Variants in FAF1 observed in about 807,000 individuals in gnomAD.
FAF1 encodes the protein FAS-associated factor 1.
In FAF1, 25 loss-of-function variants were observed where a neutral mutation model predicts 92.5. That is an observed-to-expected ratio of 0.27 (90% CI 0.20 to 0.38). The LOEUF is 0.38. Among genes scored for constraint, FAF1 ranks in the 10% least tolerant of loss-of-function variants. The pLI, the probability that FAF1 is intolerant of heterozygous loss-of-function variation, is 1.00. For synonymous variants in FAF1, 234 were observed against 273.2 expected (o/e 0.86, Z 1.42); for missense variants, 636 against 793.3 (o/e 0.80, Z 2.38).
intron 9 of FAF1, among the ~76,000 whole-genome samples, chr1:50,595,319 G>A (rs944233961): frequency 2.6e-5 from 4 of 152,022 alleles, no homozygotes; most frequent in African/African-American, 9.7e-5. Context: ...CTCTCAAAGT[G>A]CTGGGATTAC....
At chr1:50,942,299 G>C (rs761345988) in intron 1 of FAF1, among the ~76,000 whole-genome samples, 2 of 152,182 alleles carry the variant, frequency 1.3e-5, no homozygotes, top group Non-Finnish European at 2.9e-5. Context: ...CCGGGAGTTT[G>C]AGACCAGCCT....
At chr1:50,833,412 T>G (rs1034208183) in intron 2 of FAF1, among the ~76,000 whole-genome samples, 5 of 150,330 alleles carry the variant, frequency 3.3e-5, no homozygotes, top group Non-Finnish European at 3.0e-5. Flanking sequence ...TGGGGGCGGG[T>G]GTGTGGGAGA....
intron 8 of FAF1, among the ~76,000 whole-genome samples, chr1:50,642,461 C>T (rs1454002432): frequency 4.6e-5 from 7 of 151,782 alleles, no homozygotes; most frequent in East Asian, 3.9e-4. Context: ...CCAGCTTGGC[C>T]AATACGGTGA....
intron 6 of FAF1, chr1:50,715,031 T>C (rs561476307): frequency 9.3e-6 from 4 of 431,812 alleles, no homozygotes; most frequent in Non-Finnish European, 1.8e-5. Flanking sequence ...AAAATATATA[T>C]CTATTTGCAT....
intron 15 of FAF1, among the ~76,000 whole-genome samples, chr1:50,497,838 G>A (rs143852461): frequency 6.8e-4 from 104 of 151,958 alleles, no homozygotes; most frequent in Non-Finnish European, 1.3e-3. Flanking sequence ...GTGTGCCACC[G>A]CGCCCGGGCT....
At chr1:50,873,448 G>A (rs930421525) in intron 1 of FAF1, among the ~76,000 whole-genome samples, 2 of 151,990 alleles carry the variant, frequency 1.3e-5, no homozygotes, top group Non-Finnish European at 2.9e-5. Flanking sequence ...AAATGTACAC[G>A]CCAGGCTTTT....
intron 17 of FAF1, among the ~76,000 whole-genome samples, chr1:50,477,986 T>C (rs1311636385): frequency 6.6e-6 from 1 of 152,186 alleles, no homozygotes; most frequent in Non-Finnish European, 1.5e-5. Flanking sequence ...GAATTAAACA[T>C]CTTCTCCTTT....
At chr1:50,853,044 A>C (rs1400020689) in intron 2 of FAF1, among the ~76,000 whole-genome samples, 1 of 152,160 alleles carries the variant, frequency 6.6e-6, no homozygotes, top group East Asian at 1.9e-4. Context: ...CCACTGATGA[A>C]GGGCAGTGCT....
At chr1:50,925,825 C>T (rs1645001657) in intron 1 of FAF1, among the ~76,000 whole-genome samples, 1 of 152,118 alleles carries the variant, frequency 6.6e-6, no homozygotes, top group African/African-American at 2.4e-5. Flanking sequence ...CATAATAGCC[C>T]AGATATGGAG....
intron 5 of FAF1, among the ~76,000 whole-genome samples, chr1:50,742,206 T>A (rs1457017577): frequency 6.6e-6 from 1 of 151,380 alleles, no homozygotes; most frequent in African/African-American, 2.4e-5. Context: ...CCTAGCTACT[T>A]AGAAGGCTGA....
At chr1:50,662,832 C>G (rs1198568215) in intron 7 of FAF1, among the ~76,000 whole-genome samples, 1 of 148,246 alleles carries the variant, frequency 6.7e-6, no homozygotes, top group Non-Finnish European at 1.5e-5. Flanking sequence ...TCCCGAGTAG[C>G]TGGGACTGCA....
intron 6 of FAF1, among the ~76,000 whole-genome samples, chr1:50,738,341 G>A (rs1351865383): frequency 6.6e-6 from 1 of 151,722 alleles, no homozygotes; most frequent in African/African-American, 2.4e-5. Flanking sequence ...TACTCAGGAG[G>A]CTGAGGGAGG....
intron 1 of FAF1, among the ~76,000 whole-genome samples, chr1:50,885,725 C>T (rs1437500197): frequency 2.0e-5 from 3 of 152,062 alleles, no homozygotes; most frequent in Non-Finnish European, 4.4e-5. Context: ...CATTTTGTTA[C>T]TTGTTTTCCA....
intron 6 of FAF1, among the ~76,000 whole-genome samples, chr1:50,721,465 G>A (rs540498878): frequency 7.2e-5 from 11 of 152,016 alleles, no homozygotes; most frequent in East Asian, 1.9e-4. Context: ...CGCCTGCGTC[G>A]GCCTCCCAAA....
chr1:50,812,784 C>T (rs142596754), intron 2 of FAF1, among the ~76,000 whole-genome samples: 2 of 152,252 alleles, frequency 1.3e-5, no homozygotes, highest in African/African-American at 4.8e-5. Context: ...CTGTTCATCA[C>T]AGCACTATTC....
intron 1 of FAF1, among the ~76,000 whole-genome samples, chr1:50,892,723 C>A (rs1021421381): frequency 6.6e-6 from 1 of 152,124 alleles, no homozygotes; most frequent in African/African-American, 2.4e-5. Context: ...ATACTAATAT[C>A]TTTCTCTAGA....
At chr1:50,612,241 T>A (rs150784621) in intron 8 of FAF1, 192 of 455,486 alleles carry the variant, frequency 4.2e-4, no homozygotes, top group African/African-American at 3.7e-3. Flanking sequence ...TAGGATCTTA[T>A]CAAAACAAGC....
At chr1:50,808,297 TC>T (rs1173544110) in intron 2 of FAF1, among the ~76,000 whole-genome samples, 1 of 152,116 alleles carries the variant, frequency 6.6e-6, no homozygotes, top group Non-Finnish European at 1.5e-5. Flanking sequence ...ATACAGGCCA[TC>T]ATAAAAACAC....
intron 8 of FAF1, among the ~76,000 whole-genome samples, chr1:50,642,510 G>A (rs12065499): frequency 0.01 from 1,518 of 151,366 alleles, 22 homozygotes; most frequent in African/African-American, 0.035. Context: ...TTAGCCAGGC[G>A]TAGGGGCATA....
Sources: gnomAD v4.1 joint callset for allele counts (sites outside exome capture counted in the v4.1 genomes callset) on GRCh38, gnomAD v4.1.1 for gene constraint, MANE v1.5 for transcripts, NCBI Gene and HGNC (gene_info 2026-07-23, HGNC 2026-07-21) for gene names.